SLC1A4: variants seen among roughly 807,000 people sequenced by gnomAD.
The protein encoded by SLC1A4 is neutral amino acid transporter A.
SLC1A4 carries 19 observed loss-of-function variants against 37.7 expected under a neutral mutation model. The ratio of observed to expected loss-of-function variants is 0.50; its 90% confidence interval spans 0.35 to 0.74. SLC1A4 has a LOEUF of 0.74. Among genes scored for constraint, SLC1A4 ranks in the 30% least tolerant of loss-of-function variants. The pLI, the probability that SLC1A4 is intolerant of heterozygous loss-of-function variation, is 0.01. For synonymous variants in SLC1A4, 299 were observed against 309.8 expected, an observed-to-expected ratio of 0.97 and a Z score of 0.37; for missense variants, 570 against 712.9, an observed-to-expected ratio of 0.80 and a Z score of 2.28.
At chr2:65,002,088 T>A (rs181332659) in intron 2 of SLC1A4, among the ~76,000 whole-genome samples, 2 of 152,296 alleles carry the variant, frequency 1.3e-5, no homozygotes, top group African/African-American at 4.8e-5. Flanking sequence ...AAGACCAGCC[T>A]GGCCAACACG....
intron 3 of SLC1A4, among the ~76,000 whole-genome samples, chr2:65,009,360 C>T (rs980644461): frequency 8.4e-5 from 12 of 143,294 alleles, no homozygotes; most frequent in Non-Finnish European, 1.4e-4. Flanking sequence ...GGAACAAGAG[C>T]GAAACTCTGT....
chr2:65,011,687 C>T (rs1673925388), intron 4 of SLC1A4: 1 of 152,246 alleles, frequency 6.6e-6, no homozygotes, highest in Non-Finnish European at 1.5e-5. Context: ...AGCTCCCTCA[C>T]TCCAAAATCA....
intron 1 of SLC1A4, among the ~76,000 whole-genome samples, chr2:64,997,278 A>C (rs1286250731): frequency 6.6e-6 from 1 of 152,216 alleles, no homozygotes. Flanking sequence ...TTAGTTGGAA[A>C]ATCTCTAACA....
At chr2:65,020,822 T>C in intron 7 of SLC1A4, 90 bp from the exon 8 acceptor site, 2 of 1,029,922 alleles carry the variant, frequency 1.9e-6, no homozygotes, top group Admixed American at 3.5e-5. Context: ...CCCCTCACAA[T>C]CATGACTTTC....
intron 5 of SLC1A4, 90 bp downstream of exon 5, chr2:65,016,763 A>T: frequency 2.4e-6 from 2 of 827,782 alleles, no homozygotes; most frequent in African/African-American, 3.4e-5. Flanking sequence ...CAGTGTCTTG[A>T]CATACTTTAA....
Position 64,989,545 on chromosome 2 carries a change from C to G in SLC1A4, c.-99C>G, listed in dbSNP as rs997155366. 8.7e-7 allele frequency: 1 copy of G among 1,152,480 alleles called. No individual in the cohort carries two copies. Among genetic ancestry groups the G allele is most frequent in the Non-Finnish European group, 1.1e-6 (1 of 883,924 alleles). The allele number at this position is 1,152,480 out of a possible 1,614,324, so 71.4% of individuals were successfully genotyped here. ...CCCCGGGGCGGCTTCCCAGAACCTG[C>G]GGAGCACAACTGGCCGACCGACCCA... On this transcript the variant is annotated 5_prime_UTR_variant, in exon 1 of 8. Coordinates refer to ENST00000234256, the MANE Select transcript of SLC1A4 (RefSeq NM_003038.5).
At chr2:65,011,748 A>C (rs1345748596) in intron 4 of SLC1A4, among the ~76,000 whole-genome samples, 2 of 152,142 alleles carry the variant, frequency 1.3e-5, no homozygotes, top group Non-Finnish European at 2.9e-5. Flanking sequence ...TGTTTTACCC[A>C]AACCAGACCT....
intron 3 of SLC1A4, among the ~76,000 whole-genome samples, chr2:65,008,667 C>T (rs1277490572): frequency 1.2e-4 from 18 of 152,170 alleles, no homozygotes; most frequent in Admixed American, 9.8e-4. Flanking sequence ...TAAAAACAGT[C>T]GTCTTATTGT....
At chr2:64,997,752 C>T (rs1180876530) in intron 1 of SLC1A4, among the ~76,000 whole-genome samples, 1 of 152,134 alleles carries the variant, frequency 6.6e-6, no homozygotes, top group East Asian at 1.9e-4. Context: ...ATGAATAACG[C>T]TGTTATGCAT....
At position 65,002,184 on chromosome 2, in the gene SLC1A4, G is replaced by A. The variant is rs144340308; in HGVS notation, c.570+694G>A. ...AACCCCAGCCACCCAGGAAGCTGAG[G>A]CTGGAGAATTGCTCGAACCTGGGAG... On this transcript the variant is annotated intron_variant, in intron 2 of 7. Transcript: ENST00000234256. 2.0e-5 allele frequency among the ~76,000 whole-genome samples: 3 copies of A among 152,140 alleles called. No homozygotes were observed. In the East Asian group the frequency reaches 5.8e-4, roughly 29 times the overall value.
At chr2:65,013,547 C>G (rs976463469) in intron 4 of SLC1A4, among the ~76,000 whole-genome samples, 1 of 152,186 alleles carries the variant, frequency 6.6e-6, no homozygotes, top group Non-Finnish European at 1.5e-5. Flanking sequence ...ATCTGGAAAC[C>G]AGTTTAGTCA....
chr2:65,010,701 C>T lies in SLC1A4; in HGVS notation c.738C>T (p.Asp246=), dbSNP rs865912955. 6.2e-7 allele frequency: 1 copy of T among 1,614,064 alleles called. No homozygotes were observed. Among genetic ancestry groups the T allele is most frequent in the Non-Finnish European group, 8.5e-7 (1 of 1,179,968 alleles). ...AGAAACTAGGCTCCGAAGGAGAAGA[C>T]CTCATCCGTTTCTTCAATTCCCTCA... is the stretch of plus-strand genomic sequence containing the variant. ...ALKKLGSEGE[D]LIRFFNSLNE... Residue 246 remains aspartate (D), a synonymous_variant, in exon 4 of 8, where the codon GAC becomes GAT. Transcript: ENST00000234256.
At chr2:65,002,605 TCTCA>T (rs1673517549) in intron 2 of SLC1A4, among the ~76,000 whole-genome samples, 1 of 128,716 alleles carries the variant, frequency 7.8e-6, no homozygotes, top group Non-Finnish European at 1.6e-5. Flanking sequence ...TGAGACAGAG[TCTCA>T]CTCTGTTGCC....
intron 3 of SLC1A4, among the ~76,000 whole-genome samples, chr2:65,007,907 A>G (rs1673750542): frequency 1.3e-5 from 2 of 152,180 alleles, no homozygotes; most frequent in African/African-American, 4.8e-5. Context: ...CTACTGAACT[A>G]TCAAACACTA....
In SLC1A4 at chr2:65,021,425, G is replaced by A; in HGVS notation, c.*279G>A. 2 of 445,810 alleles carry A rather than the reference G, an allele frequency of 4.5e-6. No individual in the cohort carries two copies. Among genetic ancestry groups the A allele is most frequent in the Non-Finnish European group, 8.1e-6 (2 of 247,190 alleles). 27.6% of individuals were successfully genotyped at this position (445,810 alleles called of 1,614,324 possible). ...CTGTTTGGAAACAACCCCTTGAGCT[G>A]CCAGGCTCAAGAAATCATGGACTCA... On this transcript the variant is annotated 3_prime_UTR_variant, in exon 8 of 8. Coordinates refer to ENST00000234256, the MANE Select transcript of SLC1A4 (RefSeq NM_003038.5).
At chr2:65,002,767 G>A (rs2103649417) in intron 2 of SLC1A4, among the ~76,000 whole-genome samples, 1 of 151,720 alleles carries the variant, frequency 6.6e-6, no homozygotes, top group East Asian at 1.9e-4. Flanking sequence ...TAGTAGAGAT[G>A]GGGTTTCACC....
At chr2:65,002,013 C>T (rs568283107) in intron 2 of SLC1A4, among the ~76,000 whole-genome samples, 1 of 152,310 alleles carries the variant, frequency 6.6e-6, no homozygotes, top group African/African-American at 2.4e-5. Flanking sequence ...GGCGCAGTGG[C>T]TCATGCCTGT....
intron 1 of SLC1A4, among the ~76,000 whole-genome samples, chr2:64,990,690 C>T (rs565025259): frequency 1.3e-5 from 2 of 152,268 alleles, no homozygotes; most frequent in South Asian, 4.1e-4. Flanking sequence ...AGTGGACCCA[C>T]GGATAATAGG....
At chr2:65,012,160 G>C (rs1435950268) in intron 4 of SLC1A4, among the ~76,000 whole-genome samples, 4 of 150,828 alleles carry the variant, frequency 2.7e-5, no homozygotes, top group Non-Finnish European at 5.9e-5. Flanking sequence ...TGCAATCTCG[G>C]CTCACTGCAA....
Sources: gnomAD v4.1 joint callset for allele counts (sites outside exome capture counted in the v4.1 genomes callset) on GRCh38, gnomAD v4.1.1 for gene constraint, MANE v1.5 for transcripts, NCBI Gene and HGNC (gene_info 2026-07-23, HGNC 2026-07-21) for gene names.